The following ALPK2 variants were observed in gnomAD, a reference collection of about 807,000 sequenced individuals.
ALPK2 encodes the protein alpha kinase 2, also known as alpha-protein kinase 2.
A neutral mutation model predicts 163.1 loss-of-function variants in ALPK2; 127 were observed. The ratio of observed to expected loss-of-function variants is 0.78; its 90% confidence interval spans 0.67 to 0.90. The LOEUF is 0.90. Among genes scored for constraint, ALPK2 ranks in the 40% least tolerant of loss-of-function variants. ALPK2 has a pLI of 0.00. For missense variants in ALPK2, 2,360 were observed against 2,589.6 expected, an observed-to-expected ratio of 0.91 and a Z score of 1.92; for synonymous variants, 953 against 959.1, an observed-to-expected ratio of 0.99 and a Z score of 0.12.
chr18:58,578,698 T>C (rs996685229), intron 4 of ALPK2, 116 bp downstream of exon 4: 3 of 856,862 alleles, frequency 3.5e-6, no homozygotes. Context: ...ATTTACATTA[T>C]GGTATAGCAA....
In ALPK2 at chr18:58,628,936, T is replaced by C. The variant is rs2052245563; in HGVS notation, c.-193A>G. 6.6e-6 allele frequency: 1 copy of C among 152,202 alleles called. No homozygotes were observed. Among genetic ancestry groups the C allele is most frequent in the South Asian group, 2.1e-4 (1 of 4,834 alleles). The allele number at this position is 152,202 out of a possible 1,614,324, so 9.4% of individuals were successfully genotyped here. On this transcript the variant is annotated 5_prime_UTR_variant, in exon 1 of 13. Transcript: ENST00000361673. ...AGGTCAAAGCATAGATGGGTCTGCT[T>C]CCAGAAAGTTCATCTCTTCCTAAGA...
intron 3 of ALPK2, among the ~76,000 whole-genome samples, chr18:58,594,513 T>C (rs2052031653): frequency 6.6e-6 from 1 of 152,188 alleles, no homozygotes; most frequent in South Asian, 2.1e-4. Flanking sequence ...GCCCATCATC[T>C]TGGGAGCAGG....
chr18:58,560,686 G>A (rs940046823), intron 4 of ALPK2, among the ~76,000 whole-genome samples: 4 of 152,244 alleles, frequency 2.6e-5, no homozygotes, highest in Non-Finnish European at 4.4e-5. Context: ...GAATCAGGAT[G>A]TGGATGTCTT....
intron 4 of ALPK2, among the ~76,000 whole-genome samples, chr18:58,563,825 C>T (rs981823825): frequency 1.3e-5 from 2 of 152,118 alleles, no homozygotes; most frequent in Non-Finnish European, 2.9e-5. Flanking sequence ...ACTCTTGTCC[C>T]GATGGCTCTA....
At position 58,481,656 on chromosome 18, in the gene ALPK2, T is replaced by C; in HGVS notation, c.*167A>G. 1 of 622,200 alleles carries C rather than the reference T, an allele frequency of 1.6e-6. No individual in the cohort carries two copies. Among genetic ancestry groups the C allele is most frequent in the Non-Finnish European group, 2.9e-6 (1 of 346,104 alleles). 38.5% of individuals were successfully genotyped at this position (622,200 alleles called of 1,614,324 possible). On this transcript the variant is annotated 3_prime_UTR_variant, in exon 13 of 13. Coordinates refer to ENST00000361673, the MANE Select transcript of ALPK2 (RefSeq NM_052947.4). ...AAATCCTGTTCTGAAATCATTTGAG[T>C]GAAGACAGCAGGTGATGGGTTTAGA... is the stretch of plus-strand genomic sequence containing the variant.
intron 4 of ALPK2, among the ~76,000 whole-genome samples, chr18:58,556,897 G>T (rs897205942): frequency 6.6e-6 from 1 of 152,194 alleles, no homozygotes; most frequent in African/African-American, 2.4e-5. Context: ...CATGATGAAA[G>T]CTCATGACAA....
chr18:58,512,489 T>C (rs1334363012), intron 10 of ALPK2, among the ~76,000 whole-genome samples: 1 of 152,150 alleles, frequency 6.6e-6, no homozygotes, highest in Non-Finnish European at 1.5e-5. Flanking sequence ...GTCTAGGGGC[T>C]GTGGCAGTGG....
At chr18:58,583,176 A>G (rs187424176) in intron 3 of ALPK2, among the ~76,000 whole-genome samples, 1 of 152,306 alleles carries the variant, frequency 6.6e-6, no homozygotes, top group African/African-American at 2.4e-5. Context: ...GATTTTCTTT[A>G]GGACCTGCTC....
intron 4 of ALPK2, among the ~76,000 whole-genome samples, chr18:58,570,410 G>A (rs1315153479): frequency 1.3e-5 from 2 of 152,190 alleles, no homozygotes; most frequent in African/African-American, 4.8e-5. Context: ...CAGATTTTCA[G>A]GCTGCTGCAT....
At chr18:58,592,619 C>T (rs576728591) in intron 3 of ALPK2, among the ~76,000 whole-genome samples, 59 of 152,208 alleles carry the variant, frequency 3.9e-4, no homozygotes, top group Non-Finnish European at 4.7e-4. Context: ...GGAGGAGCTC[C>T]GGTGTGGAGG....
intron 3 of ALPK2, among the ~76,000 whole-genome samples, chr18:58,598,257 G>T (rs1368903140): frequency 1.3e-5 from 2 of 152,268 alleles, no homozygotes; most frequent in Non-Finnish European, 2.9e-5. Flanking sequence ...ATATGAGGGG[G>T]ACTCCACTGA....
rs777103869 is a variant in ALPK2, at chr18:58,578,733, G to GACACACACACGCGCGCACGCGCGCGC, written c.1962+80_1962+81insGCGCGCGCGTGCGCGCGTGTGTGTGT. The GACACACACACGCGCGCACGCGCGCGC allele has an allele frequency of 3.8e-3, 2,004 of 533,102 alleles. 23 individuals are homozygous for GACACACACACGCGCGCACGCGCGCGC. The highest frequency in any genetic ancestry group is 0.015 in the Middle Eastern group (25 of 1,636). The allele number at this position is 533,102 out of a possible 1,614,324, so 33.0% of individuals were successfully genotyped here. On this transcript the variant is annotated intron_variant, in intron 4 of 12. Transcript: ENST00000361673. The stretch of plus-strand genomic sequence containing the variant: ...ATTGTGAATGTGAAGTAAAGGAAGA[G>GACACACACACGCGCGCACGCGCGCGC]ACACACACACACACACACACACACA...
At chr18:58,552,796 A>G (rs570528791) in intron 4 of ALPK2, among the ~76,000 whole-genome samples, 1 of 152,186 alleles carries the variant, frequency 6.6e-6, no homozygotes, top group East Asian at 1.9e-4. Context: ...GAAATTATGA[A>G]GCCTGGGCTA....
At chr18:58,534,214 G>C (rs990811843) in intron 5 of ALPK2, among the ~76,000 whole-genome samples, 3 of 151,568 alleles carry the variant, frequency 2.0e-5, no homozygotes, top group Admixed American at 2.0e-4. Context: ...GGCTTGAGTG[G>C]TCTGAAACCT....
chr18:58,490,535 C>G (rs552960393), intron 12 of ALPK2, among the ~76,000 whole-genome samples: 2 of 152,230 alleles, frequency 1.3e-5, no homozygotes, highest in Non-Finnish European at 1.5e-5. Flanking sequence ...GCTATGGCCC[C>G]TCCCTCAGGC....
intron 12 of ALPK2, among the ~76,000 whole-genome samples, chr18:58,487,242 GA>G (rs1386448912): frequency 6.6e-6 from 1 of 152,180 alleles, no homozygotes; most frequent in Non-Finnish European, 1.5e-5. Flanking sequence ...TGTCTCATAA[GA>G]AGATGACAAA....
intron 3 of ALPK2, among the ~76,000 whole-genome samples, chr18:58,593,011 G>A (rs1458122603): frequency 4.6e-5 from 7 of 152,198 alleles, no homozygotes; most frequent in Admixed American, 6.5e-5. Flanking sequence ...TACCAGGGCC[G>A]GAGGATTTTA....
intron 4 of ALPK2, among the ~76,000 whole-genome samples, chr18:58,550,965 C>A (rs1018401060): frequency 1.3e-5 from 2 of 151,836 alleles, no homozygotes; most frequent in African/African-American, 4.8e-5. Context: ...CCATCACATA[C>A]AACCCCATCC....
At chr18:58,573,358 GTGTGTGTATATATATA>G (rs1413128924) in intron 4 of ALPK2, among the ~76,000 whole-genome samples, 5 of 97,686 alleles carry the variant, frequency 5.1e-5, no homozygotes, top group African/African-American at 2.3e-4. Flanking sequence ...ATATATATAT[GTGTGTGTATATATATA>G]TGTGTGTGTA....
Sources: gnomAD v4.1 joint callset for allele counts (sites outside exome capture counted in the v4.1 genomes callset) on GRCh38, gnomAD v4.1.1 for gene constraint, MANE v1.5 for transcripts, NCBI Gene and HGNC (gene_info 2026-07-23, HGNC 2026-07-21) for gene names.